The following SLC22A24 variants were observed in gnomAD, a reference collection of about 807,000 sequenced individuals.
SLC22A24 encodes the protein solute carrier family 22 member 24, also known as steroid transmembrane transporter SLC22A24.
A neutral mutation model predicts 49.8 loss-of-function variants in SLC22A24; 53 were observed. That is an observed-to-expected ratio of 1.06 (90% CI 0.85 to 1.34). The LOEUF is 1.34. SLC22A24 is among the 40% of genes most tolerant of loss of function. The pLI, the probability that SLC22A24 is intolerant of heterozygous loss-of-function variation, is 0.00. For synonymous variants in SLC22A24, 302 were observed against 256.4 expected (o/e 1.18, Z -1.70); for missense variants, 786 against 675.9 (o/e 1.16, Z -1.81).
chr11:63,134,326 A>C (rs939552117), intron 2 of SLC22A24, among the ~76,000 whole-genome samples: 2 of 152,134 alleles, frequency 1.3e-5, no homozygotes, highest in Admixed American at 6.6e-5. Flanking sequence ...TCCTGCCTCA[A>C]ACACCCTTCC....
At chr11:63,115,012 T>C (rs1187942356) in intron 4 of SLC22A24, among the ~76,000 whole-genome samples, 1 of 152,200 alleles carries the variant, frequency 6.6e-6, no homozygotes, top group Non-Finnish European at 1.5e-5. Context: ...TTAGGCTACA[T>C]AGGGTTCAGG....
intron 8 of SLC22A24, 114 bp downstream of exon 8, chr11:63,081,444 T>C: frequency 1.3e-6 from 1 of 771,712 alleles, no homozygotes; most frequent in African/African-American, 1.7e-5. Flanking sequence ...TCTGTTCATT[T>C]CTATTACAGT....
chr11:63,126,258 A>C (rs4963367), intron 2 of SLC22A24, among the ~76,000 whole-genome samples: 120,959 of 152,076 alleles, frequency 0.8, 49,193 homozygotes, highest in East Asian at 0.9. Flanking sequence ...AATGGTATTG[A>C]CTAGGTTTTC....
At chr11:63,142,189 C>T (rs1283918941) in intron 1 of SLC22A24, among the ~76,000 whole-genome samples, 1 of 152,200 alleles carries the variant, frequency 6.6e-6, no homozygotes, top group Admixed American at 6.5e-5. Context: ...CATGAATACA[C>T]TCAGTAGCAA....
Position 63,082,601 on chromosome 11 carries a change from G to T in SLC22A24, c.1285+642C>A, listed in dbSNP as rs543612078. 7.2e-5 allele frequency among the ~76,000 whole-genome samples: 11 copies of T among 152,292 alleles called. No homozygotes were observed. The South Asian group carries it at 2.3e-3, about 32-fold the overall frequency. ...AGAGGCTGGGTCAGCTTCTTAATCTGTTCCTTGTTTAGGGGTAGATTATAA... is the reference window on the plus strand; with the variant it reads ...AGAGGCTGGGTCAGCTTCTTAATCTTTTCCTTGTTTAGGGGTAGATTATAA... On this transcript the variant is annotated intron_variant, in intron 7 of 9. Transcript: ENST00000612278.
intron 2 of SLC22A24, among the ~76,000 whole-genome samples, chr11:63,129,388 A>G (rs963145618): frequency 5.9e-5 from 9 of 152,134 alleles, no homozygotes; most frequent in Non-Finnish European, 8.8e-5. Context: ...GCCTTGTAGT[A>G]TAGTTTGAAG....
At chr11:63,128,784 C>T (rs1208062817) in intron 2 of SLC22A24, among the ~76,000 whole-genome samples, 5 of 152,188 alleles carry the variant, frequency 3.3e-5, no homozygotes, top group African/African-American at 9.6e-5. Context: ...ACCCTGCCCC[C>T]TTGTCTTGTA....
intron 6 of SLC22A24, among the ~76,000 whole-genome samples, chr11:63,085,354 T>TGCTAAGA (rs2086981428): frequency 6.6e-6 from 1 of 152,190 alleles, no homozygotes; most frequent in African/African-American, 2.4e-5. Flanking sequence ...GCCTCCATTA[T>TGCTAAGA]CTTGGTCTGA....
intron 4 of SLC22A24, among the ~76,000 whole-genome samples, chr11:63,117,838 A>C (rs181714842): frequency 6.6e-6 from 1 of 152,304 alleles, no homozygotes; most frequent in East Asian, 1.9e-4. Flanking sequence ...CAGTTTTTAG[A>C]GTCAAAATTT....
intron 6 of SLC22A24, among the ~76,000 whole-genome samples, chr11:63,091,831 C>G (rs1007246237): frequency 3.3e-5 from 5 of 152,142 alleles, no homozygotes; most frequent in Admixed American, 6.6e-5. Context: ...GAAGCATTTC[C>G]TTTGAAAACC....
intron 6 of SLC22A24, among the ~76,000 whole-genome samples, chr11:63,095,142 T>G (rs1031748774): frequency 5.3e-5 from 8 of 152,254 alleles, no homozygotes; most frequent in African/African-American, 1.9e-4. Context: ...TTAATCCATC[T>G]TGAATTAATT....
At chr11:63,081,424 T>C in intron 8 of SLC22A24, 134 bp downstream of exon 8, 1 of 689,694 alleles carries the variant, frequency 1.4e-6, no homozygotes, top group South Asian at 1.8e-5. Context: ...CATATATGGC[T>C]CTCAGTTACT....
intron 1 of SLC22A24, among the ~76,000 whole-genome samples, chr11:63,137,519 T>C (rs2087383967): frequency 6.6e-6 from 1 of 152,212 alleles, no homozygotes; most frequent in Admixed American, 6.5e-5. Context: ...GAATTACATT[T>C]GCAGGTTATC....
At chr11:63,083,117 A>G (rs2086968745) in intron 7 of SLC22A24, 126 bp downstream of exon 7, 4 of 741,376 alleles carry the variant, frequency 5.4e-6, no homozygotes, top group South Asian at 1.8e-5. Context: ...CCCTCATATT[A>G]ACTTCAGGGA....
chr11:63,086,596 ATAAAACT>A (rs1232068181), intron 6 of SLC22A24, among the ~76,000 whole-genome samples: 1 of 152,210 alleles, frequency 6.6e-6, no homozygotes, highest in East Asian at 1.9e-4. Context: ...TGAGCCTAAA[ATAAAACT>A]TAAAAAATTT....
chr11:63,108,623 A>G (rs1037637651), intron 4 of SLC22A24, among the ~76,000 whole-genome samples: 1 of 152,254 alleles, frequency 6.6e-6, no homozygotes, highest in Non-Finnish European at 1.5e-5. Flanking sequence ...TTATTGGTCT[A>G]TTCAGAGATT....
At chr11:63,095,081 C>A (rs1330093261) in intron 6 of SLC22A24, among the ~76,000 whole-genome samples, 3 of 152,136 alleles carry the variant, frequency 2.0e-5, no homozygotes, top group Non-Finnish European at 2.9e-5. Flanking sequence ...AATGGTAATG[C>A]CTAGGTTTTC....
intron 2 of SLC22A24, among the ~76,000 whole-genome samples, chr11:63,121,595 AT>A (rs1335149857): frequency 1.1e-4 from 16 of 150,466 alleles, no homozygotes; most frequent in East Asian, 3.9e-4. Flanking sequence ...GATATCACAC[AT>A]TTTTTTTTGC....
intron 2 of SLC22A24, among the ~76,000 whole-genome samples, chr11:63,124,809 T>C (rs1413789844): frequency 6.6e-6 from 1 of 152,142 alleles, no homozygotes; most frequent in African/African-American, 2.4e-5. Context: ...TGTAGGGACA[T>C]GAATGAAAAT....
Sources: allele counts gnomAD v4.1 joint callset (sites outside exome capture counted in the v4.1 genomes callset), GRCh38; gene constraint gnomAD v4.1.1; transcripts MANE v1.5; gene names NCBI Gene and HGNC (gene_info 2026-07-23, HGNC 2026-07-21).